The following CAMSAP2 variants were observed in gnomAD, a reference collection of about 807,000 sequenced individuals.
The protein encoded by CAMSAP2 is calmodulin regulated spectrin associated protein family member 2.
CAMSAP2 carries 26 observed loss-of-function variants against 146.1 expected under a neutral mutation model. The ratio of observed to expected loss-of-function variants is 0.18; its 90% CI spans 0.13 to 0.25. The LOEUF is 0.25. Among genes scored for constraint, CAMSAP2 ranks in the 10% least tolerant of loss-of-function variants. The pLI, the probability that CAMSAP2 is intolerant of heterozygous loss-of-function variation, is 1.00. For missense variants in CAMSAP2, 1,381 were observed against 1,759.3 expected, an observed-to-expected ratio of 0.78 and a Z score of 3.85; for synonymous variants, 499 against 596.6, an observed-to-expected ratio of 0.84 and a Z score of 2.38.
intron 4 of CAMSAP2, chr1:200,828,549 T>G: frequency 6.5e-7 from 1 of 1,549,928 alleles, no homozygotes; most frequent in Non-Finnish European, 8.7e-7. Context: ...GCTTTCCCCT[T>G]TTTTCCCGCT....
intron 2 of CAMSAP2, among the ~76,000 whole-genome samples, chr1:200,789,502 A>C (rs890997715): frequency 4.0e-5 from 6 of 151,896 alleles, no homozygotes; most frequent in African/African-American, 1.2e-4. Flanking sequence ...CGTGTGCTCT[A>C]TATTCTGTTC....
At chr1:200,740,613 C>T (rs1017025238) in intron 1 of CAMSAP2, among the ~76,000 whole-genome samples, 1 of 152,008 alleles carries the variant, frequency 6.6e-6, no homozygotes, top group Non-Finnish European at 1.5e-5. Flanking sequence ...TTCTTTTTTC[C>T]AAATGTATTT....
intron 2 of CAMSAP2, among the ~76,000 whole-genome samples, chr1:200,781,445 T>A (rs1369550027): frequency 6.6e-6 from 1 of 152,190 alleles, no homozygotes; most frequent in Non-Finnish European, 1.5e-5. Context: ...ATTTGAAAAA[T>A]ACGTATGTTC....
intron 6 of CAMSAP2, among the ~76,000 whole-genome samples, chr1:200,833,047 C>T (rs746839455): frequency 2.6e-5 from 4 of 151,824 alleles, no homozygotes; most frequent in Non-Finnish European, 4.4e-5. Context: ...GGCAACAGAG[C>T]AAGACCCTGT....
At chr1:200,811,054 C>T (rs554991183) in intron 3 of CAMSAP2, among the ~76,000 whole-genome samples, 1 of 152,140 alleles carries the variant, frequency 6.6e-6, no homozygotes, top group Non-Finnish European at 1.5e-5. Flanking sequence ...ATTCCTAACC[C>T]GAAATTGTTC....
chr1:200,822,174 ACG>A (rs1183069319), intron 4 of CAMSAP2, among the ~76,000 whole-genome samples: 5 of 149,766 alleles, frequency 3.3e-5, no homozygotes, highest in African/African-American at 7.4e-5. Context: ...ACACACACAC[ACG>A]TAAATTGTTC....
At position 200,860,244 on chromosome 1, in the gene CAMSAP2, T is replaced by A. The variant is rs1164601350; in HGVS notation, c.*2185T>A. The A allele has an allele frequency of 1.3e-5, 2 of 152,720 alleles. No homozygotes were observed. Among genetic ancestry groups the A allele is most frequent in the South Asian group, 2.1e-4 (1 of 4,838 alleles). The allele number at this position is 152,720 out of a possible 1,614,324, so 9.5% of individuals were successfully genotyped here. The stretch of plus-strand genomic sequence containing the variant: ...TGCAGCTTTTTTTTAATTATGTTTT[T>A]AAAATTATACAGTTGAAAAATATGC... On this transcript the variant is annotated 3_prime_UTR_variant, in exon 17 of 17. Coordinates refer to ENST00000358823, the MANE Select transcript of CAMSAP2 (RefSeq NM_203459.4).
At chr1:200,774,853 A>T (rs1665228326) in intron 2 of CAMSAP2, among the ~76,000 whole-genome samples, 1 of 152,232 alleles carries the variant, frequency 6.6e-6, no homozygotes, top group South Asian at 2.1e-4. Flanking sequence ...CAGGAATTTG[A>T]AAGTGTAGAG....
intron 15 of CAMSAP2, among the ~76,000 whole-genome samples, chr1:200,856,915 A>G (rs1382832619): frequency 1.3e-5 from 2 of 152,206 alleles, no homozygotes; most frequent in Admixed American, 6.5e-5. Context: ...TCTCTATGTT[A>G]GTTCAGTTGA....
At chr1:200,747,848 G>A (rs1162129497) in intron 1 of CAMSAP2, among the ~76,000 whole-genome samples, 1 of 151,836 alleles carries the variant, frequency 6.6e-6, no homozygotes. Flanking sequence ...TTAGCCGGGC[G>A]TAGTGGCGGG....
chr1:200,806,088 C>A (rs1020613375), intron 2 of CAMSAP2, among the ~76,000 whole-genome samples: 1 of 152,096 alleles, frequency 6.6e-6, no homozygotes, highest in Non-Finnish European at 1.5e-5. Context: ...AAGGAAAACA[C>A]TGAGATTAAC....
At chr1:200,772,482 G>T (rs1291462998) in intron 2 of CAMSAP2, among the ~76,000 whole-genome samples, 1 of 152,036 alleles carries the variant, frequency 6.6e-6, no homozygotes, top group Non-Finnish European at 1.5e-5. Context: ...GGTGGCATAC[G>T]CCTGTAATCC....
intron 2 of CAMSAP2, among the ~76,000 whole-genome samples, chr1:200,771,746 G>A (rs1665123592): frequency 6.6e-6 from 1 of 152,194 alleles, no homozygotes; most frequent in African/African-American, 2.4e-5. Context: ...GAGAATGACT[G>A]TACAGTGATG....
At chr1:200,748,463 G>A (rs984679813) in intron 1 of CAMSAP2, among the ~76,000 whole-genome samples, 3 of 151,544 alleles carry the variant, frequency 2.0e-5, no homozygotes, top group Non-Finnish European at 4.4e-5. Context: ...ATTTGTTCTA[G>A]TTAGGATCCA....
chr1:200,813,594 A>G (rs1458671595), intron 3 of CAMSAP2, among the ~76,000 whole-genome samples: 1 of 152,230 alleles, frequency 6.6e-6, no homozygotes, highest in Non-Finnish European at 1.5e-5. Flanking sequence ...CATTCAGTAG[A>G]TATCTGTTGA....
At chr1:200,758,188 G>T (rs944718048) in intron 1 of CAMSAP2, among the ~76,000 whole-genome samples, 4 of 152,306 alleles carry the variant, frequency 2.6e-5, no homozygotes, top group Admixed American at 2.0e-4. Context: ...GTAAATGCTA[G>T]GTGGATATAT....
intron 2 of CAMSAP2, among the ~76,000 whole-genome samples, chr1:200,772,659 A>C (rs146044555): frequency 1.2e-4 from 18 of 152,288 alleles, no homozygotes; most frequent in Admixed American, 5.9e-4. Context: ...AATGTAGTTA[A>C]ATTGCTTTAT....
chr1:200,857,234 A>G lies in CAMSAP2; in HGVS notation c.4013-72A>G. The G allele has an allele frequency of 5.7e-6, 6 of 1,053,936 alleles. No homozygotes were observed. The South Asian group carries it at 8.1e-5, about 14-fold the overall frequency. 65.3% of individuals were successfully genotyped at this position (1,053,936 alleles called of 1,614,324 possible). ...ATTTCAGCAGTGTAGGAACAATTAC[A>G]TCATTTTAAAATAGTAGTATTTCTG... On this transcript the variant is annotated intron_variant, in intron 15 of 16. Coordinates refer to ENST00000358823, the MANE Select transcript of CAMSAP2 (RefSeq NM_203459.4). The surrounding 1 kb of genome is among the most constrained non-coding windows in gnomAD (Gnocchi z 4.7).
At position 200,849,024 on chromosome 1, in the gene CAMSAP2, A is replaced by G; in HGVS notation, c.2255A>G (p.His752Arg). The change falls in exon 11 of 17, where the codon CAT (histidine) becomes CGT (arginine). Residue 752 changes from histidine (H) to arginine (R), a missense_variant. Physicochemically the swap from His to Arg is conservative, Grantham distance 29 (BLOSUM62 0). Around this residue, in one of 4 missense-constraint regions of CAMSAP2, gnomAD observed 560 missense variants for 715.9 expected, o/e 0.78. Transcript: ENST00000358823. The surrounding 1 kb of genome is among the most constrained non-coding windows in gnomAD (Gnocchi z 6.3). Reference sequence around the variant, plus strand: ...CAGCTGTTGGCCTCTGAAATGGTGCATCTTAGGATGAAACTAGAAGAAAAG... The same window carrying G: ...CAGCTGTTGGCCTCTGAAATGGTGCGTCTTAGGATGAAACTAGAAGAAAAG... Reference protein sequence around the residue: ...TTQLLASEMVHLRMKLEEKRR... With the variant: ...TTQLLASEMVRLRMKLEEKRR... 3 of 1,614,160 alleles carry G rather than the reference A, an allele frequency of 1.9e-6. No homozygotes were observed. Among genetic ancestry groups the G allele is most frequent in the Non-Finnish European group, 2.5e-6 (3 of 1,180,018 alleles).
Sources: gnomAD v4.1 joint callset for allele counts (sites outside exome capture counted in the v4.1 genomes callset) on GRCh38, gnomAD v4.1.1 for gene constraint, gnomAD v4.1.1 regional missense constraint, Gnocchi (gnomAD v3.1) non-coding constraint, MANE v1.5 for transcripts, NCBI Gene and HGNC (gene_info 2026-07-23, HGNC 2026-07-21) for gene names.